The following KRT2 variants were observed in gnomAD, a reference collection of about 807,000 sequenced individuals.
KRT2 encodes the protein keratin 2, also known as keratin, type II cytoskeletal 2 epidermal.
A neutral mutation model predicts 48.5 loss-of-function variants in KRT2; 37 were observed. That is an observed-to-expected ratio of 0.76 (90% CI 0.59 to 1.00). The LOEUF (loss-of-function observed/expected upper bound fraction) is 1.00. Among genes scored for constraint, KRT2 ranks in the 50% least tolerant of loss-of-function variants. The probability of loss-of-function intolerance (pLI) is 0.00; values close to 1 mark genes in which losing one functional copy is unlikely to be tolerated. For synonymous variants in KRT2, 324 were observed against 312.2 expected, an observed-to-expected ratio of 1.04 and a Z score of -0.40; for missense variants, 880 against 815.2, an observed-to-expected ratio of 1.08 and a Z score of -0.97.
intron 4 of KRT2, 143 bp from the exon 5 acceptor site, chr12:52,648,480 T>A (rs917284653): frequency 3.8e-6 from 3 of 785,416 alleles, no homozygotes; most frequent in Admixed American, 1.8e-5. Flanking sequence ...AACCGTCTAC[T>A]CCTGGGCCTC....
chr12:52,651,866 C>T lies in KRT2; in HGVS notation c.277G>A (p.Gly93Arg). ...CTGCTGCCGCCTCCAAAACCACCTCCTCTGCCACCAAATCCACCAGCGGCG... is the reference window on the plus strand; with the variant it reads ...CTGCTGCCGCCTCCAAAACCACCTCTTCTGCCACCAAATCCACCAGCGGCG... ...FGAAGGFGGR[G>R]GGFGGGSSFG... Residue 93 changes from glycine to arginine, a missense_variant, in exon 1 of 9, where the codon GGA becomes AGA. Gly to Arg is a moderately radical substitution (Grantham distance 125). Transcript: ENST00000309680. The T allele has an allele frequency of 1.2e-6, 2 of 1,607,410 alleles. No individual in the cohort carries two copies. Among genetic ancestry groups the T allele is most frequent in the African/African-American group, 1.3e-5 (1 of 74,854 alleles).
intron 1 of KRT2, 123 bp from the exon 2 acceptor site, chr12:52,650,676 CGAG>C: frequency 1.3e-6 from 1 of 791,626 alleles, no homozygotes. Flanking sequence ...GGCTGGATGC[CGAG>C]TCATGACTGG....
chr12:52,647,225 T>C (rs190981609), intron 6 of KRT2, among the ~76,000 whole-genome samples: 1 of 152,212 alleles, frequency 6.6e-6, no homozygotes, highest in East Asian at 1.9e-4. Context: ...ATTTTACAGA[T>C]GGAAATGAAA....
intron 7 of KRT2, among the ~76,000 whole-genome samples, chr12:52,646,388 G>A (rs1367236539): frequency 6.6e-6 from 1 of 152,206 alleles, no homozygotes; most frequent in African/African-American, 2.4e-5. Context: ...ACCCGGTGGA[G>A]GGCACAGAAG....
chr12:52,645,513 A>ACCCACGACTGAGGGGTG (rs777622986), intron 8 of KRT2, 22 bp downstream of exon 8: 2 of 1,614,196 alleles, frequency 1.2e-6, no homozygotes, highest in Middle Eastern at 1.6e-4. Context: ...CCCATGGAAC[A>ACCCACGACTGAGGGGTG]GGACCACACC....
chr12:52,644,769 T>C lies in KRT2; in HGVS notation c.*250A>G. ...GGCATGGTGGGGGCGGGAATGGGCA[T>C]GGCTAGAAGCACAAACCTAGACAGC... On this transcript the variant is annotated 3_prime_UTR_variant, in exon 9 of 9. Coordinates refer to ENST00000309680, the MANE Select transcript of KRT2 (RefSeq NM_000423.3). The C allele has an allele frequency of 1.8e-6, 1 of 562,656 alleles. No individual in the cohort carries two copies. The highest frequency in any genetic ancestry group is 3.1e-5 in the Admixed American group (1 of 32,686). 34.9% of individuals were successfully genotyped at this position (562,656 alleles called of 1,614,324 possible).
intron 1 of KRT2, 99 bp from the exon 2 acceptor site, chr12:52,650,652 C>T (rs774680787): frequency 1.2e-5 from 11 of 933,352 alleles, no homozygotes; most frequent in Middle Eastern, 3.2e-4. Flanking sequence ...TTCAGGACCT[C>T]GAGAAGTGTC....
chr12:52,651,384 G>T (rs757144866), intron 1 of KRT2, among the ~76,000 whole-genome samples, 174 bp downstream of exon 1: 5 of 152,170 alleles, frequency 3.3e-5, no homozygotes, highest in Non-Finnish European at 5.9e-5. Flanking sequence ...GGCTGTTATG[G>T]GAAATGTAAC....
intron 6 of KRT2, among the ~76,000 whole-genome samples, chr12:52,647,386 A>G (rs1941182572): frequency 6.6e-6 from 1 of 152,228 alleles, no homozygotes; most frequent in Non-Finnish European, 1.5e-5. Flanking sequence ...GCTGGTGCTC[A>G]GGGCCTGTGC....
rs1941139729 is a variant in KRT2 at position 52,645,001 on chromosome 12, G to T, written c.*18C>A. 6.2e-7 allele frequency: 1 copy of T among 1,613,558 alleles called. No individual in the cohort carries two copies. Among genetic ancestry groups the T allele is most frequent in the Non-Finnish European group, 8.5e-7 (1 of 1,179,726 alleles). On this transcript the variant is annotated 3_prime_UTR_variant, in exon 9 of 9. Transcript: ENST00000309680. ...GAGAGTCTGGGTTGGGAGAGTCGGTGGTGGTGGGGGCTCATCTTTATCTAA... is the reference window on the plus strand; with the variant it reads ...GAGAGTCTGGGTTGGGAGAGTCGGTTGTGGTGGGGGCTCATCTTTATCTAA...
rs1259072922 is a variant in KRT2, at chr12:52,650,394, A to G, written c.745T>C (p.Ser249Pro). The G allele has an allele frequency of 6.2e-6, 10 of 1,614,054 alleles. No individual in the cohort carries two copies. The highest frequency in any genetic ancestry group is 1.1e-5 in the South Asian group (1 of 91,092). Reference protein sequence around the residue: ...YLDGLTAERTSQNSELNNMQD... With the variant: ...YLDGLTAERTPQNSELNNMQD... ...ATGTTATTCAGCTCTGAATTCTGTG[A>G]TGTTCTTTCTGCAGTGAGCCCATCC... is the stretch of plus-strand genomic sequence containing the variant. Residue 249 changes from serine (S) to proline (P), a missense_variant, in exon 2 of 9, where the codon TCA (serine) becomes CCA (proline). Transcript: ENST00000309680.
rs1381374331 is a variant in KRT2, at chr12:52,651,763, C to T, written c.380G>A (p.Gly127Glu). 6.2e-7 allele frequency: 1 copy of T among 1,613,696 alleles called. No individual in the cohort carries two copies. The highest frequency in any genetic ancestry group is 1.7e-5 in the Admixed American group (1 of 59,982). ...GFGGGRFGGF[G>E]GPGGVGGLGG... ...TAAACCTCCAACACCACCAGGGCCC[C>T]CAAAACCTCCAAAGCGGCCTCCACC... Residue 127 changes from glycine (G) to glutamate (E), a missense_variant, in exon 1 of 9, where the codon GGG becomes GAG. By Grantham distance (98) the Gly-to-Glu change is moderately conservative. Transcript: ENST00000309680.
Position 52,644,989 on chromosome 12 carries a change from G to C in KRT2, c.*30C>G. ...ATTCTGGAGTGGGAGAGTCTGGGTTGGGAGAGTCGGTGGTGGTGGGGGCTC... is the reference window on the plus strand; with the variant it reads ...ATTCTGGAGTGGGAGAGTCTGGGTTCGGAGAGTCGGTGGTGGTGGGGGCTC... On this transcript the variant is annotated 3_prime_UTR_variant, in exon 9 of 9. Coordinates refer to ENST00000309680, the MANE Select transcript of KRT2 (RefSeq NM_000423.3). The C allele has an allele frequency of 6.2e-7, 1 of 1,612,898 alleles. No individual in the cohort carries two copies. The highest frequency in any genetic ancestry group is 1.1e-5 in the South Asian group (1 of 91,034).
chr12:52,648,503 C>T (rs1166896156), intron 4 of KRT2, among the ~76,000 whole-genome samples, 166 bp from the exon 5 acceptor site: 1 of 152,172 alleles, frequency 6.6e-6, no homozygotes, highest in Admixed American at 6.5e-5. Flanking sequence ...CCAAGGTTGT[C>T]CTGAGAATTG....
Position 52,645,010 on chromosome 12 carries a change from G to A in KRT2, c.*9C>T, listed in dbSNP as rs748720514. ...GGTTGGGAGAGTCGGTGGTGGTGGGGGCTCATCTTTATCTAAAAGAGAAGG... is the reference window on the plus strand; with the variant it reads ...GGTTGGGAGAGTCGGTGGTGGTGGGAGCTCATCTTTATCTAAAAGAGAAGG... On this transcript the variant is annotated 3_prime_UTR_variant, in exon 9 of 9. Coordinates refer to ENST00000309680, the MANE Select transcript of KRT2 (RefSeq NM_000423.3). The A allele has an allele frequency of 2.5e-6, 4 of 1,613,972 alleles. No homozygotes were observed. Among genetic ancestry groups the A allele is most frequent in the South Asian group, 1.1e-5 (1 of 91,056 alleles).
At position 52,651,964 on chromosome 12, in the gene KRT2, C is replaced by T. The variant is rs745907775; in HGVS notation, c.179G>A (p.Ser60Asn). ...GGGFGGGGFG[S>N]RSLVGLGGTK... ...CCCTCCAAGGCCAACAAGACTCCGA[C>T]TGCCAAAGCCGCCTCCACCGAAGCC... Residue 60 changes from serine to asparagine, a missense_variant, in exon 1 of 9, where the codon AGT (serine) becomes AAT (asparagine). By Grantham distance (46) the Ser-to-Asn change is conservative. Transcript: ENST00000309680. 1.2e-6 allele frequency: 2 copies of T among 1,613,718 alleles called. No homozygotes were observed. The highest frequency in any genetic ancestry group is 1.1e-5 in the South Asian group (1 of 91,068).
chr12:52,646,592 C>A, intron 7 of KRT2, 148 bp downstream of exon 7: 1 of 807,264 alleles, frequency 1.2e-6, no homozygotes, highest in South Asian at 1.5e-5. Context: ...TCCTGAGTTT[C>A]TGCTTGGGGA....
At chr12:52,646,141 C>T (rs1053033399) in intron 7 of KRT2, among the ~76,000 whole-genome samples, 5 of 152,224 alleles carry the variant, frequency 3.3e-5, no homozygotes, top group Admixed American at 3.3e-4. Context: ...TTGCTGATGG[C>T]CTGGGGTAGC....
intron 7 of KRT2, 89 bp from the exon 8 acceptor site, chr12:52,645,658 GT>G: frequency 7.3e-7 from 1 of 1,371,280 alleles, no homozygotes; most frequent in Non-Finnish European, 1.0e-6. Flanking sequence ...CAAATGTGCA[GT>G]TTAGCCTCTC....
Sources: gnomAD v4.1 joint callset for allele counts (sites outside exome capture counted in the v4.1 genomes callset) on GRCh38, gnomAD v4.1.1 for gene constraint, MANE v1.5 for transcripts, NCBI Gene and HGNC (gene_info 2026-07-23, HGNC 2026-07-21) for gene names.